Variants in ABI1 observed in about 807,000 individuals in gnomAD.
The protein encoded by ABI1 is abl interactor 1.
In ABI1, 14 loss-of-function variants were observed where a neutral mutation model predicts 54.6. The ratio of observed to expected loss-of-function variants is 0.26; its 90% confidence interval spans 0.17 to 0.40. The LOEUF is 0.40. Among genes scored for constraint, ABI1 ranks in the 10% least tolerant of loss-of-function variants. ABI1 has a pLI of 1.00. For synonymous variants in ABI1, 194 were observed against 209.3 expected, an observed-to-expected ratio of 0.93 and a Z score of 0.63; for missense variants, 443 against 598.3, an observed-to-expected ratio of 0.74 and a Z score of 2.71.
At chr10:26,750,201 CT>C (rs1837437405) in intron 10 of ABI1, among the ~76,000 whole-genome samples, 1 of 152,296 alleles carries the variant, frequency 6.6e-6, no homozygotes, top group Admixed American at 6.5e-5. Context: ...AAATTACTTA[CT>C]GTTTAAAAAT....
intron 1 of ABI1, among the ~76,000 whole-genome samples, chr10:26,852,527 C>T (rs1375933605): frequency 2.0e-5 from 3 of 151,996 alleles, no homozygotes; most frequent in Non-Finnish European, 4.4e-5. Context: ...TCTTAAGTTG[C>T]TAATATTTGA....
intron 2 of ABI1, among the ~76,000 whole-genome samples, chr10:26,807,728 G>C (rs937251435): frequency 6.6e-6 from 1 of 152,148 alleles, no homozygotes; most frequent in Non-Finnish European, 1.5e-5. Flanking sequence ...TCTGCCCTCT[G>C]GGTCACAAGC....
chr10:26,815,344 T>G (rs1164606355), intron 2 of ABI1, among the ~76,000 whole-genome samples: 2 of 152,164 alleles, frequency 1.3e-5, no homozygotes, highest in African/African-American at 4.8e-5. Flanking sequence ...ATTCAGTAAG[T>G]CAATTGATAG....
At chr10:26,752,546 C>T (rs562690833) in intron 9 of ABI1, among the ~76,000 whole-genome samples, 3 of 151,834 alleles carry the variant, frequency 2.0e-5, no homozygotes, top group African/African-American at 7.2e-5. Context: ...CCTAAAGATT[C>T]GATTTTCTAA....
intron 9 of ABI1, among the ~76,000 whole-genome samples, chr10:26,753,174 G>T (rs1016130127): frequency 6.6e-6 from 1 of 152,174 alleles, no homozygotes. Flanking sequence ...CTCGAGGGAT[G>T]AAAGGGCTAT....
Position 26,768,990 on chromosome 10 carries a change from C to T in ABI1, c.581G>A (p.Arg194Gln), listed in dbSNP as rs768333537. 3 of 1,590,566 alleles carry T rather than the reference C, an allele frequency of 1.9e-6. No individual in the cohort carries two copies. The highest frequency in any genetic ancestry group is 2.7e-5 in the African/African-American group (2 of 73,464). The change falls in exon 6 of 11, where the codon CGG becomes CAG. Residue 194 changes from arginine to glutamine, a missense_variant and splice_region_variant. Coordinates refer to ENST00000376140, the MANE Select transcript of ABI1 (RefSeq NM_001012750.3). The part of the protein sequence containing the change: ...PPMSGRGTLG[R>Q]NTPYKTLEPV... ...TTCCAGGGTTTTATAAGGAGTATTC[C>T]GTCTAAAGGAGCATAGTGGAGAAAG...
intron 2 of ABI1, among the ~76,000 whole-genome samples, chr10:26,803,118 A>G (rs1318162200): frequency 1.3e-5 from 2 of 152,232 alleles, no homozygotes; most frequent in Non-Finnish European, 2.9e-5. Flanking sequence ...GTTAGGCAGA[A>G]GAAATAGGGG....
At chr10:26,780,001 G>C (rs1420114286) in intron 2 of ABI1, among the ~76,000 whole-genome samples, 1 of 152,108 alleles carries the variant, frequency 6.6e-6, no homozygotes, top group African/African-American at 2.4e-5. Flanking sequence ...AGTAGCCCTA[G>C]TATTGAAATC....
intron 1 of ABI1, among the ~76,000 whole-genome samples, chr10:26,830,414 G>A (rs2048588726): frequency 6.6e-6 from 1 of 152,060 alleles, no homozygotes; most frequent in Non-Finnish European, 1.5e-5. Context: ...TTAAGCTCAG[G>A]AGTTCGAGAC....
intron 1 of ABI1, among the ~76,000 whole-genome samples, chr10:26,828,052 C>T (rs1035244757): frequency 3.3e-5 from 5 of 152,200 alleles, no homozygotes; most frequent in Admixed American, 3.3e-4. Context: ...GCTAAGCTCC[C>T]ATTAGTAGTT....
At chr10:26,803,999 TA>T (rs10709220) in intron 2 of ABI1, among the ~76,000 whole-genome samples, 34,638 of 146,172 alleles carry the variant, frequency 0.24, 4,154 homozygotes, top group East Asian at 0.33. Flanking sequence ...AAGGATGAAA[TA>T]AAAAAAAAAA....
intron 3 of ABI1, among the ~76,000 whole-genome samples, chr10:26,771,949 G>A (rs1349878308): frequency 6.6e-6 from 1 of 150,616 alleles, no homozygotes; most frequent in Non-Finnish European, 1.5e-5. Flanking sequence ...ATATCTTCAG[G>A]TTTTAGAGTC....
intron 3 of ABI1, among the ~76,000 whole-genome samples, chr10:26,775,788 T>C (rs1457862789): frequency 6.6e-6 from 1 of 152,164 alleles, no homozygotes; most frequent in Non-Finnish European, 1.5e-5. Flanking sequence ...TTAATAAATA[T>C]GTATTGCTTT....
chr10:26,764,033 T>C (rs1839581976), intron 7 of ABI1: 6 of 1,187,820 alleles, frequency 5.1e-6, no homozygotes, highest in Non-Finnish European at 7.2e-6. Context: ...AGCAAGAAAG[T>C]ACAATGTATC....
intron 1 of ABI1, among the ~76,000 whole-genome samples, chr10:26,855,954 G>C (rs1478296781): frequency 8.1e-6 from 1 of 122,980 alleles, no homozygotes; most frequent in Admixed American, 9.8e-5. Flanking sequence ...CTGGGTGACA[G>C]AGCAAGACTC....
chr10:26,800,669 T>C (rs555001470), intron 2 of ABI1, among the ~76,000 whole-genome samples: 1 of 152,154 alleles, frequency 6.6e-6, no homozygotes, highest in South Asian at 2.1e-4. Flanking sequence ...AGGTGGAGGA[T>C]GCAACGAGCC....
In ABI1 at chr10:26,860,924, G is replaced by C; in HGVS notation, c.-61C>G. 6.7e-7 allele frequency: 1 copy of C among 1,501,582 alleles called. No individual in the cohort carries two copies. Among genetic ancestry groups the C allele is most frequent in the Non-Finnish European group, 9.2e-7 (1 of 1,081,544 alleles). The allele number at this position is 1,501,582 out of a possible 1,614,324, so 93.0% of individuals were successfully genotyped here. ...AGAGACAGAGGCAGCAAGGTCCGCC[G>C]AGGCTCCGAGCACCTCACAGCCCGG... On this transcript the variant is annotated 5_prime_UTR_variant, in exon 1 of 11. Transcript: ENST00000376140. This position sits in a 1 kb window ranked among gnomAD's most constrained non-coding sequence, Gnocchi z 4.1.
chr10:26,843,334 G>A (rs1365720975), intron 1 of ABI1, among the ~76,000 whole-genome samples: 14 of 149,996 alleles, frequency 9.3e-5, no homozygotes, highest in Non-Finnish European at 1.5e-5. Flanking sequence ...TGCACCTGTA[G>A]TCCCAGATAC....
intron 1 of ABI1, among the ~76,000 whole-genome samples, chr10:26,837,800 A>G (rs2049193214): frequency 6.7e-6 from 1 of 148,992 alleles, no homozygotes; most frequent in South Asian, 2.2e-4. Flanking sequence ...TCTTTAGTAG[A>G]GACAGGGTTT....
Sources: allele counts gnomAD v4.1 joint callset (sites outside exome capture counted in the v4.1 genomes callset), GRCh38; gene constraint gnomAD v4.1.1; non-coding constraint Gnocchi (gnomAD v3.1); transcripts MANE v1.5; gene names NCBI Gene and HGNC (gene_info 2026-07-23, HGNC 2026-07-21).